The following DPYD variants were observed in gnomAD, a reference collection of about 807,000 sequenced individuals.
The protein encoded by DPYD is dihydropyrimidine dehydrogenase.
In DPYD, 109 loss-of-function variants were observed where a neutral mutation model predicts 116.2. That is an observed-to-expected ratio of 0.94 (90% CI 0.80 to 1.10). The LOEUF (loss-of-function observed/expected upper bound fraction) is 1.10, where lower values mean the gene tolerates loss of function less well. Among genes scored for constraint, DPYD ranks in the 50% least tolerant of loss-of-function variants. The pLI is 0.00. For synonymous variants in DPYD, 440 were observed against 432.0 expected, an observed-to-expected ratio of 1.02 and a Z score of -0.23; for missense variants, 1,302 against 1,254.5, an observed-to-expected ratio of 1.04 and a Z score of -0.57.
intron 21 of DPYD, among the ~76,000 whole-genome samples, chr1:97,088,621 T>G (rs1007502882): frequency 1.3e-5 from 2 of 152,104 alleles, no homozygotes; most frequent in African/African-American, 4.8e-5. Flanking sequence ...TGCAGCTGCT[T>G]CCTCCATACT....
chr1:97,182,354 C>A (rs1430105382), intron 20 of DPYD, among the ~76,000 whole-genome samples: 1 of 152,108 alleles, frequency 6.6e-6, no homozygotes, highest in African/African-American at 2.4e-5. Context: ...TTATGCAGTA[C>A]ATTCTGATCT....
At chr1:97,442,423 G>T (rs901503224) in intron 14 of DPYD, among the ~76,000 whole-genome samples, 4 of 150,668 alleles carry the variant, frequency 2.7e-5, no homozygotes, top group Non-Finnish European at 5.9e-5. Flanking sequence ...AAAATACTTG[G>T]CTACATGGAG....
intron 13 of DPYD, among the ~76,000 whole-genome samples, chr1:97,473,209 A>G (rs1677756555): frequency 6.6e-6 from 1 of 152,224 alleles, no homozygotes. Flanking sequence ...CAAAGAAGTC[A>G]GATCATACAA....
chr1:97,880,364 C>A (rs531595122), intron 2 of DPYD, among the ~76,000 whole-genome samples: 1 of 151,880 alleles, frequency 6.6e-6, no homozygotes, highest in Admixed American at 6.6e-5. Context: ...CTACTTGGGT[C>A]TTTATGAATT....
At chr1:97,475,124 C>T (rs780444055) in intron 13 of DPYD, among the ~76,000 whole-genome samples, 71 of 151,946 alleles carry the variant, frequency 4.7e-4, no homozygotes, top group Middle Eastern at 3.2e-3. Flanking sequence ...GCAATGATTG[C>T]GGCATCATTT....
At chr1:97,698,658 A>G (rs1206128434) in intron 6 of DPYD, among the ~76,000 whole-genome samples, 1 of 151,944 alleles carries the variant, frequency 6.6e-6, no homozygotes, top group African/African-American at 2.4e-5. Context: ...CAATTGAGTA[A>G]TATTATTCAG....
At chr1:97,199,637 A>G (rs996656465) in intron 19 of DPYD, among the ~76,000 whole-genome samples, 37 of 148,842 alleles carry the variant, frequency 2.5e-4, no homozygotes, top group African/African-American at 8.9e-4. Context: ...ATGATCTCCA[A>G]AAAAAAAAAG....
chr1:97,352,563 TAA>T (rs71747807), intron 16 of DPYD, among the ~76,000 whole-genome samples: 7,948 of 136,614 alleles, frequency 0.058, 263 homozygotes, highest in East Asian at 0.12. Flanking sequence ...CCTGAAATAG[TAA>T]AAAAAAAAAA....
intron 7 of DPYD, among the ~76,000 whole-genome samples, chr1:97,681,364 G>C (rs1454526857): frequency 6.6e-6 from 1 of 152,082 alleles, no homozygotes. Flanking sequence ...TGCAAAGCAA[G>C]CAATGGAGCA....
chr1:97,752,618 G>A (rs1664995616), intron 3 of DPYD, among the ~76,000 whole-genome samples: 1 of 152,110 alleles, frequency 6.6e-6, no homozygotes, highest in South Asian at 2.1e-4. Flanking sequence ...AGTTCCATGT[G>A]TAGGTCATTT....
rs144014068 is a variant in DPYD, at chr1:97,355,389, T to C, written c.2058+18172A>G. ...ATATCCATCACCTAAAATACTTACT[T>C]TTTGTGGTGAGAACATTTGAAATTT... is the stretch of plus-strand genomic sequence containing the variant. On this transcript the variant is annotated intron_variant, in intron 16 of 22. Transcript: ENST00000370192. Among the ~76,000 whole-genome samples, 829 of 152,258 alleles carry C rather than the reference T, an allele frequency of 5.4e-3. 9 individuals carry two copies. The highest frequency in any genetic ancestry group is 0.019 in the African/African-American group (775 of 41,566).
chr1:97,828,104 C>T lies in DPYD; in HGVS notation c.233+10G>A, dbSNP rs760273817. 6.2e-7 allele frequency: 1 copy of T among 1,613,126 alleles called. No homozygotes were observed. The highest frequency in any genetic ancestry group is 8.5e-7 in the Non-Finnish European group (1 of 1,179,484). On this transcript the variant is annotated intron_variant, in intron 3 of 22. Transcript: ENST00000370192. ...CATCTGTGACTGTTGCTATGGTGAC[C>T]CAGACTTACCTCATTGCTTCTCGGA...
At chr1:97,097,952 A>G (rs1390965275) in intron 21 of DPYD, among the ~76,000 whole-genome samples, 1 of 152,200 alleles carries the variant, frequency 6.6e-6, no homozygotes, top group Non-Finnish European at 1.5e-5. Flanking sequence ...TTTAAGGAAA[A>G]AAATCAAGAA....
At chr1:97,705,203 A>G (rs1038039986) in intron 5 of DPYD, among the ~76,000 whole-genome samples, 10 of 151,798 alleles carry the variant, frequency 6.6e-5, no homozygotes, top group African/African-American at 2.4e-4. Flanking sequence ...ACATATGTAT[A>G]CATGTGCCAT....
intron 5 of DPYD, chr1:97,720,700 T>C (rs1029904176): frequency 2.3e-5 from 32 of 1,401,064 alleles, no homozygotes; most frequent in Non-Finnish European, 3.0e-5. Flanking sequence ...CAGTAAGTCA[T>C]TAACTAAAAA....
intron 8 of DPYD, among the ~76,000 whole-genome samples, chr1:97,620,388 A>ATTT (rs1331807040): frequency 6.6e-6 from 1 of 151,900 alleles, no homozygotes; most frequent in Non-Finnish European, 1.5e-5. Flanking sequence ...CTATATATTT[A>ATTT]TTTATTTGTA....
chr1:97,622,048 T>C (rs1456212821), intron 8 of DPYD, among the ~76,000 whole-genome samples: 1 of 152,080 alleles, frequency 6.6e-6, no homozygotes, highest in East Asian at 1.9e-4. Flanking sequence ...CAAATTCCCA[T>C]GCAGATGAAT....
At chr1:97,120,130 G>C (rs1652310390) in intron 20 of DPYD, among the ~76,000 whole-genome samples, 1 of 152,124 alleles carries the variant, frequency 6.6e-6, no homozygotes, top group African/African-American at 2.4e-5. Flanking sequence ...TTTGCTATTA[G>C]CTCCTTCTTT....
chr1:97,597,561 T>C lies in DPYD; in HGVS notation c.851-2395A>G, dbSNP rs566402710. On this transcript the variant is annotated intron_variant, in intron 8 of 22. Coordinates refer to ENST00000370192, the MANE Select transcript of DPYD (RefSeq NM_000110.4). ...AGTCAATCAAACACTAAGGTAGGTA[T>C]TGCTGGGAAAGCCTTTTGTTGATGT... Among the ~76,000 whole-genome samples, 626 of 152,330 alleles carry C rather than the reference T, an allele frequency of 4.1e-3. 7 individuals carry two copies. The highest frequency in any genetic ancestry group is 0.014 in the African/African-American group (594 of 41,584).
Sources: allele counts gnomAD v4.1 joint callset (sites outside exome capture counted in the v4.1 genomes callset), GRCh38; gene constraint gnomAD v4.1.1; transcripts MANE v1.5; gene names NCBI Gene and HGNC (gene_info 2026-07-23, HGNC 2026-07-21).